DEUP1: variants seen among roughly 807,000 people sequenced by gnomAD.
DEUP1 encodes the protein deuterosome assembly protein 1, also known as coiled-coil domain containing 67.
DEUP1 carries 82 observed loss-of-function variants against 87.4 expected under a neutral mutation model. That is an observed-to-expected ratio of 0.94 (90% confidence interval 0.78 to 1.13). The LOEUF is 1.13. Among genes scored for constraint, DEUP1 ranks in the 50% most tolerant of loss-of-function variants. DEUP1 has a pLI of 0.00. For synonymous variants in DEUP1, 214 were observed against 222.7 expected (o/e 0.96, Z 0.35); for missense variants, 663 against 681.5 (o/e 0.97, Z 0.30).
At chr11:93,398,072 T>C (rs1415134552) in intron 11 of DEUP1, among the ~76,000 whole-genome samples, 1 of 152,078 alleles carries the variant, frequency 6.6e-6, no homozygotes, top group Non-Finnish European at 1.5e-5. Context: ...AACTACTTGG[T>C]ATGTATTATT....
At chr11:93,377,947 T>C (rs943333604) in intron 7 of DEUP1, among the ~76,000 whole-genome samples, 14 of 152,176 alleles carry the variant, frequency 9.2e-5, no homozygotes, top group African/African-American at 2.4e-4. Context: ...CCCTTTCAGC[T>C]TGTAGGATTT....
intron 5 of DEUP1, among the ~76,000 whole-genome samples, chr11:93,367,596 T>C (rs1035701655): frequency 6.6e-6 from 1 of 152,224 alleles, no homozygotes; most frequent in Non-Finnish European, 1.5e-5. Context: ...TACTTTATTA[T>C]ATATTCCTTG....
chr11:93,357,728 C>CT (rs1327435326), intron 4 of DEUP1, among the ~76,000 whole-genome samples: 1 of 152,028 alleles, frequency 6.6e-6, no homozygotes, highest in Non-Finnish European at 1.5e-5. Flanking sequence ...TTATGACCAA[C>CT]TTTTTTTGGA....
chr11:93,419,451 T>C (rs1433199152), intron 13 of DEUP1, among the ~76,000 whole-genome samples: 1 of 152,192 alleles, frequency 6.6e-6, no homozygotes, highest in African/African-American at 2.4e-5. Flanking sequence ...GTCATGGGGC[T>C]AATCAGAAGT....
intron 8 of DEUP1, among the ~76,000 whole-genome samples, chr11:93,385,749 A>T (rs1284611247): frequency 6.6e-6 from 1 of 152,188 alleles, no homozygotes; most frequent in Non-Finnish European, 1.5e-5. Flanking sequence ...AAATTATATC[A>T]TGTCCTGATT....
In DEUP1 at chr11:93,355,466, C is replaced by A. The variant is rs1565302233; in HGVS notation, c.125C>A (p.Ala42Asp). Reference protein sequence around the residue: ...KKMDWERKMRALETRLDLRDQ... With the variant: ...KKMDWERKMRDLETRLDLRDQ... ...ATGGATTGGGAAAGAAAGATGCGGG[C>A]TTTGGAGACACGATTAGATCTTCGG... The change falls in exon 3 of 14, where the codon GCT (alanine) becomes GAT (aspartate). Residue 42 changes from alanine to aspartate, a missense_variant. Ala to Asp is a moderately radical substitution (Grantham distance 126, BLOSUM62 -2). Transcript: ENST00000298050. 6.2e-7 allele frequency: 1 copy of A among 1,613,736 alleles called. No individual in the cohort carries two copies. The highest frequency in any genetic ancestry group is 8.5e-7 in the Non-Finnish European group (1 of 1,179,782).
At chr11:93,402,284 G>A (rs1158613523) in intron 11 of DEUP1, among the ~76,000 whole-genome samples, 2 of 151,924 alleles carry the variant, frequency 1.3e-5, no homozygotes, top group African/African-American at 4.8e-5. Context: ...TCAGAGAAAC[G>A]CAAATCAAAA....
At chr11:93,386,002 G>A (rs1384869968) in intron 8 of DEUP1, among the ~76,000 whole-genome samples, 1 of 151,568 alleles carries the variant, frequency 6.6e-6, no homozygotes, top group Non-Finnish European at 1.5e-5. Context: ...GCAGTGAGCT[G>A]TGATCGTGCC....
chr11:93,339,723 AC>A lies in DEUP1; in HGVS notation c.29+7436del, dbSNP rs547730745. 9.9e-5 allele frequency among the ~76,000 whole-genome samples: 15 copies of A among 152,274 alleles called. No homozygotes were observed. The East Asian group carries it at 2.9e-3, about 29-fold the overall frequency. On this transcript the variant is annotated intron_variant, in intron 2 of 13. Transcript: ENST00000298050. ...ATGATAACGAGGGAACCCACCTTAC[AC>A]AGTGTCGGAGGAGGCCACGTAGGAA...
intron 9 of DEUP1, 41 bp downstream of exon 9, chr11:93,389,166 A>G: frequency 9.3e-7 from 1 of 1,073,632 alleles, no homozygotes; most frequent in South Asian, 1.5e-5. Flanking sequence ...GGTAGATGTG[A>G]ACTCTTTACA....
At chr11:93,373,625 G>GTGTGTATATATATATATATA (rs796309948) in intron 7 of DEUP1, among the ~76,000 whole-genome samples, 25 of 66,998 alleles carry the variant, frequency 3.7e-4, no homozygotes, top group African/African-American at 1.0e-3. Flanking sequence ...ATATATATAC[G>GTGTGTATATATATATATATA]TATATATATA....
chr11:93,392,194 T>C (rs1037619818), intron 9 of DEUP1, among the ~76,000 whole-genome samples: 1 of 152,148 alleles, frequency 6.6e-6, no homozygotes, highest in Non-Finnish European at 1.5e-5. Context: ...CTAGGTGTCA[T>C]CCCCTAAAAC....
intron 13 of DEUP1, among the ~76,000 whole-genome samples, chr11:93,427,912 AACC>A (rs1377741224): frequency 6.8e-6 from 1 of 147,094 alleles, no homozygotes; most frequent in Non-Finnish European, 1.5e-5. Flanking sequence ...TGCAAATCAA[AACC>A]ACAATGAGAT....
In DEUP1 at chr11:93,371,046, A is replaced by C; in HGVS notation, c.555A>C (p.Ala185=). 1 of 1,609,906 alleles carries C rather than the reference A, an allele frequency of 6.2e-7. No individual in the cohort carries two copies. The highest frequency in any genetic ancestry group is 8.5e-7 in the Non-Finnish European group (1 of 1,177,898). The change falls in exon 7 of 14, where the codon GCA becomes GCC. Residue 185 remains alanine, a synonymous_variant. Transcript: ENST00000298050. ...GTTTTTATATTTTTCAGAAACAGGCACAAAGTTACCAAACTCAACTAAATG... is the reference window on the plus strand; with the variant it reads ...GTTTTTATATTTTTCAGAAACAGGCCCAAAGTTACCAAACTCAACTAAATG... ...SEKCNQFQKQ[A]QSYQTQLNGK...
intron 4 of DEUP1, 37 bp from the exon 5 acceptor site, chr11:93,364,123 G>T (rs1224282796): frequency 7.1e-7 from 1 of 1,416,596 alleles, no homozygotes. Context: ...GAAATAATTG[G>T]TAATAGTAAA....
intron 8 of DEUP1, among the ~76,000 whole-genome samples, 160 bp downstream of exon 8, chr11:93,385,703 T>C (rs1946511800): frequency 6.6e-6 from 1 of 152,194 alleles, no homozygotes; most frequent in African/African-American, 2.4e-5. Context: ...TTTATGGTTA[T>C]TTCATTTTCA....
chr11:93,408,561 G>A, intron 12 of DEUP1, 134 bp downstream of exon 12: 1 of 597,620 alleles, frequency 1.7e-6, no homozygotes, highest in Non-Finnish European at 2.9e-6. Flanking sequence ...TGCAGTAGAT[G>A]AGTAGATAAT....
chr11:93,380,692 C>T (rs1047400955), intron 7 of DEUP1, among the ~76,000 whole-genome samples: 14 of 152,158 alleles, frequency 9.2e-5, no homozygotes, highest in Middle Eastern at 3.4e-3. Context: ...AGTGAGCCAC[C>T]GCGCCCGGCC....
At chr11:93,432,150 G>C (rs1478186562) in intron 13 of DEUP1, among the ~76,000 whole-genome samples, 3 of 152,200 alleles carry the variant, frequency 2.0e-5, no homozygotes, top group Non-Finnish European at 4.4e-5. Context: ...TCATAATATT[G>C]AGTGACCTAA....
Sources: allele counts gnomAD v4.1 joint callset (sites outside exome capture counted in the v4.1 genomes callset), GRCh38; gene constraint gnomAD v4.1.1; transcripts MANE v1.5; gene names NCBI Gene and HGNC (gene_info 2026-07-23, HGNC 2026-07-21).